The following SH2D4B variants were observed in gnomAD, a reference collection of about 807,000 sequenced individuals.
SH2D4B encodes the protein SH2 domain containing 4B.
A neutral mutation model predicts 61.5 loss-of-function variants in SH2D4B; 45 were observed. The ratio of observed to expected loss-of-function variants is 0.73; its 90% CI spans 0.58 to 0.94. The LOEUF (loss-of-function observed/expected upper bound fraction) is 0.94. Among genes scored for constraint, SH2D4B ranks in the 40% least tolerant of loss-of-function variants. The pLI, the probability that SH2D4B is intolerant of heterozygous loss-of-function variation, is 0.00. For synonymous variants in SH2D4B, 224 were observed against 220.4 expected (o/e 1.02, Z -0.14); for missense variants, 572 against 574.2 (o/e 1.00, Z 0.04).
In SH2D4B at chr10:80,588,743, C is replaced by A; in HGVS notation, c.609C>A (p.Ala203=). The change falls in exon 4 of 8, where the codon GCC becomes GCA. Residue 203 remains alanine (A), a synonymous_variant. Transcript: ENST00000646907. ...TLKQAQLHCQ[A]SEKEEREWEE... is the part of the protein sequence containing the mutation. ...AGCAGGCTCAGCTGCATTGCCAAGCCAGTGAGAAAGAGGAGCGAGAGTGGG... is the reference window on the plus strand; with the variant it reads ...AGCAGGCTCAGCTGCATTGCCAAGCAAGTGAGAAAGAGGAGCGAGAGTGGG... 6.2e-7 allele frequency: 1 copy of A among 1,614,120 alleles called. No homozygotes were observed. The highest frequency in any genetic ancestry group is 1.1e-5 in the South Asian group (1 of 91,082).
chr10:80,578,676 G>C (rs1012562009), intron 3 of SH2D4B, among the ~76,000 whole-genome samples: 8 of 152,190 alleles, frequency 5.3e-5, no homozygotes, highest in African/African-American at 1.9e-4. Context: ...ACTTTCCTCT[G>C]TGGGCAAAGC....
At chr10:80,551,655 A>C (rs1026896301) in intron 1 of SH2D4B, among the ~76,000 whole-genome samples, 6 of 152,192 alleles carry the variant, frequency 3.9e-5, no homozygotes, top group African/African-American at 1.4e-4. Flanking sequence ...GATTAGCAAG[A>C]GTTAGGAGAG....
At chr10:80,586,610 G>C (rs897387291) in intron 3 of SH2D4B, among the ~76,000 whole-genome samples, 2 of 152,130 alleles carry the variant, frequency 1.3e-5, no homozygotes, top group Admixed American at 6.5e-5. Context: ...ACCAATCAGT[G>C]CCCTGTCAAA....
chr10:80,538,324 G>A lies in SH2D4B; in HGVS notation c.-8G>A. ...TGCCCTTCTGGTGCGTGCATCCCAG[G>A]TGGCATCATGCTGCAGCAGATCCTG... On this transcript the variant is annotated 5_prime_UTR_variant, in exon 1 of 8. In the 5' UTR this introduces an upstream ATG that the reference lacks. Transcript: ENST00000646907. This position sits in a 1 kb window ranked among gnomAD's most constrained non-coding sequence, Gnocchi z 4.8. The A allele has an allele frequency of 1.5e-6, 2 of 1,328,360 alleles. No homozygotes were observed. Among genetic ancestry groups the A allele is most frequent in the South Asian group, 2.2e-5 (1 of 45,712 alleles). 82.3% of individuals were successfully genotyped at this position (1,328,360 alleles called of 1,614,324 possible). A position where few individuals can be genotyped will look rare whatever the true frequency, so the allele number is the denominator to read the frequency against.
intron 4 of SH2D4B, among the ~76,000 whole-genome samples, chr10:80,596,363 G>T (rs1403637777): frequency 6.6e-6 from 1 of 152,226 alleles, no homozygotes; most frequent in Non-Finnish European, 1.5e-5. Context: ...AAAGCCTTAG[G>T]ACAGTCATTG....
chr10:80,625,629 G>A (rs750906246), intron 6 of SH2D4B, among the ~76,000 whole-genome samples: 1 of 149,056 alleles, frequency 6.7e-6, no homozygotes, highest in Non-Finnish European at 1.5e-5. Context: ...CTGGGGTGCA[G>A]TGGTGTGATC....
chr10:80,640,623 T>G (rs1840275073), intron 7 of SH2D4B, among the ~76,000 whole-genome samples: 1 of 152,244 alleles, frequency 6.6e-6, no homozygotes, highest in Non-Finnish European at 1.5e-5. Flanking sequence ...TCTCATGCCA[T>G]GAGTTTCAGC....
chr10:80,644,182 AC>A lies in SH2D4B; in HGVS notation c.*99del. 2 of 943,196 alleles carry A rather than the reference AC, an allele frequency of 2.1e-6. No homozygotes were observed. Among genetic ancestry groups the A allele is most frequent in the South Asian group, 1.5e-5 (1 of 68,824 alleles). The allele number at this position is 943,196 out of a possible 1,614,324, so 58.4% of individuals were successfully genotyped here. On this transcript the variant is annotated 3_prime_UTR_variant, in exon 8 of 8. Transcript: ENST00000646907. The stretch of plus-strand genomic sequence containing the variant: ...AATCCTATGGCCTTCTGGAAGATCC[AC>A]CACTATCCAAAGGAAAAAGTAGATT...
At chr10:80,600,609 C>T (rs1842441853) in intron 4 of SH2D4B, among the ~76,000 whole-genome samples, 1 of 152,104 alleles carries the variant, frequency 6.6e-6, no homozygotes, top group Non-Finnish European at 1.5e-5. Flanking sequence ...GGGCACTTCT[C>T]AGGGCCTTAC....
intron 6 of SH2D4B, among the ~76,000 whole-genome samples, chr10:80,632,557 T>TG (rs1344871004): frequency 6.6e-6 from 1 of 151,918 alleles, no homozygotes; most frequent in Non-Finnish European, 1.5e-5. Context: ...GTGCTTGGAG[T>TG]GGGGATGAGG....
chr10:80,543,763 T>G (rs974473865), intron 1 of SH2D4B, among the ~76,000 whole-genome samples: 1 of 152,068 alleles, frequency 6.6e-6, no homozygotes, highest in Non-Finnish European at 1.5e-5. Context: ...AGCTCAAGGT[T>G]TGTAAACACA....
intron 4 of SH2D4B, among the ~76,000 whole-genome samples, chr10:80,598,012 G>A (rs1258364840): frequency 6.6e-6 from 1 of 152,168 alleles, no homozygotes; most frequent in Non-Finnish European, 1.5e-5. Context: ...GCAGAGCAAA[G>A]GTTTATACTG....
chr10:80,547,078 A>T (rs537748684), intron 1 of SH2D4B, among the ~76,000 whole-genome samples: 2 of 152,326 alleles, frequency 1.3e-5, no homozygotes, highest in South Asian at 4.1e-4. Flanking sequence ...CAATAACAAT[A>T]GTTGCTTGCA....
At chr10:80,556,488 G>A (rs1295628233) in intron 1 of SH2D4B, among the ~76,000 whole-genome samples, 1 of 152,082 alleles carries the variant, frequency 6.6e-6, no homozygotes, top group Non-Finnish European at 1.5e-5. Context: ...AAGCTTTCTG[G>A]GAATCTGTAG....
intron 6 of SH2D4B, among the ~76,000 whole-genome samples, chr10:80,611,199 A>C (rs1044394047): frequency 4.0e-5 from 6 of 151,272 alleles, no homozygotes; most frequent in Non-Finnish European, 7.4e-5. Context: ...AAAAAAAAAA[A>C]AAAACATTGA....
intron 1 of SH2D4B, among the ~76,000 whole-genome samples, chr10:80,551,221 A>AT (rs1249758561): frequency 1.3e-5 from 2 of 151,834 alleles, no homozygotes; most frequent in Non-Finnish European, 2.9e-5. Flanking sequence ...CCCGGCTAAT[A>AT]TTTTTTGTAT....
At chr10:80,547,496 T>C (rs1841694103) in intron 1 of SH2D4B, among the ~76,000 whole-genome samples, 2 of 151,392 alleles carry the variant, frequency 1.3e-5, no homozygotes, top group Admixed American at 6.6e-5. Context: ...GGACCATAGC[T>C]CTTTGTAGCT....
chr10:80,637,013 C>G (rs1340692703), intron 7 of SH2D4B, among the ~76,000 whole-genome samples: 1 of 152,162 alleles, frequency 6.6e-6, no homozygotes, highest in Admixed American at 6.5e-5. Flanking sequence ...TTATGGCTAA[C>G]CAGTTTTCCC....
At chr10:80,617,752 C>T (rs1355370092) in intron 6 of SH2D4B, among the ~76,000 whole-genome samples, 1 of 152,238 alleles carries the variant, frequency 6.6e-6, no homozygotes, top group Non-Finnish European at 1.5e-5. Context: ...AGCAACCAGA[C>T]TCTCTCCATC....
Sources: gnomAD v4.1 joint callset for allele counts (sites outside exome capture counted in the v4.1 genomes callset) on GRCh38, gnomAD v4.1.1 for gene constraint, Gnocchi (gnomAD v3.1) non-coding constraint, MANE v1.5 for transcripts, NCBI Gene and HGNC (gene_info 2026-07-23, HGNC 2026-07-21) for gene names.